The following VSNL1 variants were observed in gnomAD, a reference collection of about 807,000 sequenced individuals.
VSNL1 encodes the protein visinin like 1.
In VSNL1, 6 loss-of-function variants were observed where a neutral mutation model predicts 20.4. That is an observed-to-expected ratio of 0.29 (90% CI 0.16 to 0.58). The LOEUF is 0.58. Ranked by LOEUF, VSNL1 falls within the 20% of genes least tolerant of loss-of-function variation. The pLI is 0.90. For missense variants in VSNL1, 100 were observed against 234.5 expected (o/e 0.43, Z 3.75); for synonymous variants, 93 against 86.4 (o/e 1.08, Z -0.42).
At chr2:17,622,598 A>AAGAAAGAG (rs1665411150) in intron 2 of VSNL1, among the ~76,000 whole-genome samples, 1 of 141,750 alleles carries the variant, frequency 7.1e-6, no homozygotes, top group African/African-American at 2.6e-5. Context: ...GAAAGAAAGA[A>AAGAAAGAG]AGAAAAGAAA....
rs546477322 is a variant in VSNL1 at position 17,596,984 on chromosome 2, C to T, written c.162+4748C>T. On this transcript the variant is annotated intron_variant, in intron 2 of 3. Transcript: ENST00000295156. ...ATCCTCTCATTTACACTTACACAGC[C>T]AGGATGAAAATAAGTTTCATTTCAC... Among the ~76,000 whole-genome samples the T allele has an allele frequency of 2.6e-5, 4 of 152,348 alleles. No individual in the cohort carries two copies. The South Asian group carries it at 8.3e-4, about 32-fold the overall frequency.
intron 1 of VSNL1, among the ~76,000 whole-genome samples, chr2:17,579,894 T>G (rs1173976458): frequency 6.6e-6 from 1 of 152,170 alleles, no homozygotes; most frequent in Non-Finnish European, 1.5e-5. Context: ...CTCATTCTAT[T>G]TAGCTCTGGG....
intron 1 of VSNL1, among the ~76,000 whole-genome samples, chr2:17,579,287 TTG>T (rs1664293761): frequency 6.6e-6 from 1 of 152,070 alleles, no homozygotes; most frequent in African/African-American, 2.4e-5. Flanking sequence ...GGCTAATTTT[TTG>T]TGTTTTTAGT....
chr2:17,562,186 A>G (rs943454836), intron 1 of VSNL1, among the ~76,000 whole-genome samples: 1 of 152,250 alleles, frequency 6.6e-6, no homozygotes, highest in Non-Finnish European at 1.5e-5. Context: ...ACATAGTGAC[A>G]AATAGCTACT....
intron 1 of VSNL1, 80 bp from the exon 2 acceptor site, chr2:17,591,990 C>T: frequency 6.4e-7 from 1 of 1,553,350 alleles, no homozygotes; most frequent in South Asian, 1.2e-5. Context: ...TGGGACTGCT[C>T]AGAACTCTAG....
intron 3 of VSNL1, among the ~76,000 whole-genome samples, chr2:17,652,289 A>G (rs1413063331): frequency 6.6e-6 from 1 of 152,232 alleles, no homozygotes; most frequent in Non-Finnish European, 1.5e-5. Context: ...ATGGAGAAAG[A>G]ATTGCCAGAA....
intron 1 of VSNL1, among the ~76,000 whole-genome samples, chr2:17,579,128 T>A (rs902451907): frequency 5.9e-5 from 9 of 152,200 alleles, no homozygotes; most frequent in South Asian, 2.1e-4. Flanking sequence ...TTTTATTTTT[T>A]TTTTTGAGAC....
In VSNL1 at chr2:17,630,258, C is replaced by T. The variant is rs535556149; in HGVS notation, c.163-19152C>T. ...CATCTGCCTAGGCATTTGGCTGCCT[C>T]CTGCCACTGTCACTGGAATTTTAGC... is the stretch of plus-strand genomic sequence containing the variant. On this transcript the variant is annotated intron_variant, in intron 2 of 3. Coordinates refer to ENST00000295156, the MANE Select transcript of VSNL1 (RefSeq NM_003385.5). Among the ~76,000 whole-genome samples, 3 of 152,320 alleles carry T rather than the reference C, an allele frequency of 2.0e-5. No homozygotes were observed. The South Asian group carries it at 6.2e-4, about 32-fold the overall frequency.
chr2:17,622,441 T>C (rs535556072), intron 2 of VSNL1, among the ~76,000 whole-genome samples: 1 of 146,406 alleles, frequency 6.8e-6, no homozygotes, highest in East Asian at 2.0e-4. Flanking sequence ...GAGGTCGCAG[T>C]GAGCCAAGAT....
At chr2:17,642,049 T>C (rs1665892489) in intron 2 of VSNL1, among the ~76,000 whole-genome samples, 1 of 152,196 alleles carries the variant, frequency 6.6e-6, no homozygotes, top group South Asian at 2.1e-4. Context: ...GATTTATCCG[T>C]CATTTTATAT....
At chr2:17,610,223 G>A (rs913071276) in intron 2 of VSNL1, among the ~76,000 whole-genome samples, 2 of 152,108 alleles carry the variant, frequency 1.3e-5, no homozygotes, top group Non-Finnish European at 2.9e-5. Context: ...TGTATTTGTT[G>A]AACATTATTG....
At chr2:17,608,359 G>A (rs1157911126) in intron 2 of VSNL1, among the ~76,000 whole-genome samples, 3 of 152,172 alleles carry the variant, frequency 2.0e-5, no homozygotes, top group South Asian at 2.1e-4. Context: ...TGATGACATC[G>A]TGTTAAAGCT....
At chr2:17,550,001 T>C (rs1470535470) in intron 1 of VSNL1, among the ~76,000 whole-genome samples, 1 of 152,228 alleles carries the variant, frequency 6.6e-6, no homozygotes, top group East Asian at 1.9e-4. Context: ...TGTGGAAGAC[T>C]TACTTCTCTG....
chr2:17,638,840 G>T (rs559002938), intron 2 of VSNL1, among the ~76,000 whole-genome samples: 9 of 152,332 alleles, frequency 5.9e-5, no homozygotes, highest in African/African-American at 2.2e-4. Flanking sequence ...TTGGGGTTTG[G>T]GAGGAGAGAG....
chr2:17,562,567 C>T (rs1482736458), intron 1 of VSNL1, among the ~76,000 whole-genome samples: 1 of 152,150 alleles, frequency 6.6e-6, no homozygotes, highest in Non-Finnish European at 1.5e-5. Context: ...TCTTTCTGCT[C>T]CCCTATAAGT....
intron 1 of VSNL1, among the ~76,000 whole-genome samples, chr2:17,569,369 ATT>A (rs1046325514): frequency 9.9e-5 from 15 of 151,634 alleles, no homozygotes; most frequent in Non-Finnish European, 1.5e-4. Flanking sequence ...TAAAAAAAAT[ATT>A]GTCATGTGCC....
intron 2 of VSNL1, among the ~76,000 whole-genome samples, chr2:17,623,119 CAGTTTAACATT>C (rs1315140649): frequency 1.3e-5 from 2 of 152,120 alleles, no homozygotes; most frequent in Non-Finnish European, 2.9e-5. Flanking sequence ...AGTTTAAGGA[CAGTTTAACATT>C]ACAAATGCTA....
chr2:17,563,707 C>A lies in VSNL1; in HGVS notation c.-6+22789C>A, dbSNP rs576925504. On this transcript the variant is annotated intron_variant, in intron 1 of 3. Transcript: ENST00000295156. ...ATCGCACCACTGCACTCCAGCCTGG[C>A]GACAGAGTGAGACTCTGTCTCAAAA... 1.1e-4 allele frequency among the ~76,000 whole-genome samples: 16 copies of A among 151,210 alleles called. 1 individual carries two copies. The highest frequency in any genetic ancestry group is 3.9e-4 in the Admixed American group (6 of 15,210).
At chr2:17,570,292 T>C (rs781744843) in intron 1 of VSNL1, among the ~76,000 whole-genome samples, 9 of 152,242 alleles carry the variant, frequency 5.9e-5, no homozygotes, top group Admixed American at 1.3e-4. Context: ...AACAAAACTG[T>C]ACTTAAATGC....
Sources: allele counts gnomAD v4.1 joint callset (sites outside exome capture counted in the v4.1 genomes callset), GRCh38; gene constraint gnomAD v4.1.1; transcripts MANE v1.5; gene names NCBI Gene and HGNC (gene_info 2026-07-23, HGNC 2026-07-21).